Variants in PIR observed in about 807,000 individuals in gnomAD.
PIR encodes the protein pirin (iron-binding nuclear protein).
In PIR, 22 loss-of-function variants were observed where a neutral mutation model predicts 24.2. The ratio of observed to expected loss-of-function variants is 0.91; its 90% CI spans 0.65 to 1.30. The LOEUF (loss-of-function observed/expected upper bound fraction) is 1.30. PIR is among the 50% of genes most tolerant of loss of function. The probability of loss-of-function intolerance (pLI) is 0.00; values close to 1 mark genes in which losing one functional copy is unlikely to be tolerated. For synonymous variants in PIR, 80 were observed against 79.6 expected (o/e 1.00, Z -0.03); for missense variants, 220 against 220.3 (o/e 1.00, Z 0.01).
chrX:15,444,310 T>C (rs1009108312), intron 5 of PIR, among the ~76,000 whole-genome samples: 1 of 112,414 alleles, frequency 8.9e-6, no homozygotes, highest in Non-Finnish European at 1.9e-5. Flanking sequence ...GTTCAGATGA[T>C]CATTAGCATT....
intron 6 of PIR, among the ~76,000 whole-genome samples, chrX:15,417,615 G>T (rs746944561): frequency 9.0e-6 from 1 of 111,501 alleles, no homozygotes; most frequent in South Asian, 3.8e-4. Flanking sequence ...CTTGAGGTCA[G>T]AAGCCCCAAA....
At chrX:15,453,933 A>T (rs188561384) in intron 5 of PIR, among the ~76,000 whole-genome samples, 1 of 112,070 alleles carries the variant, frequency 8.9e-6, no homozygotes, top group Non-Finnish European at 1.9e-5. Context: ...AATCTTATGG[A>T]CAATCACAAT....
intron 8 of PIR, 43 bp from the exon 9 acceptor site, chrX:15,390,294 T>TG: frequency 1.3e-6 from 1 of 774,148 alleles, no homozygotes; most frequent in Non-Finnish European, 1.9e-6. Flanking sequence ...GCAGGCTTAT[T>TG]TTTGAAGATC....
At chrX:15,410,487 C>A (rs975295435) in intron 6 of PIR, among the ~76,000 whole-genome samples, 2 of 111,752 alleles carry the variant, frequency 1.8e-5, no homozygotes, top group Non-Finnish European at 3.8e-5. Flanking sequence ...AATAGTTCAA[C>A]CAGGCTTTTA....
intron 8 of PIR, among the ~76,000 whole-genome samples, chrX:15,395,220 T>C (rs911714386): frequency 8.9e-6 from 1 of 111,874 alleles, no homozygotes; most frequent in Non-Finnish European, 1.9e-5. Context: ...TTATGTGCCC[T>C]AAGCCTTCAG....
At chrX:15,424,641 C>T (rs146817786) in intron 6 of PIR, among the ~76,000 whole-genome samples, 2,285 of 111,635 alleles carry the variant, frequency 0.02, 63 homozygotes, top group African/African-American at 0.07. Flanking sequence ...ATTATATGAA[C>T]GTATTAAATT....
At position 15,455,780 on chromosome X, in the gene PIR, A is replaced by T. The variant is rs773447773; in HGVS notation, c.480+68T>A. 4 of 888,543 alleles carry T rather than the reference A, an allele frequency of 4.5e-6. No homozygotes were observed. In the Admixed American group the frequency reaches 6.8e-5, roughly 15 times the overall value. The allele number at this position is 888,543 out of a possible 1,213,427, so 73.2% of individuals were successfully genotyped here. On this transcript the variant is annotated intron_variant, in intron 5 of 9. Coordinates refer to ENST00000380420, the MANE Select transcript of PIR (RefSeq NM_001018109.3). Reference sequence around the variant, plus strand: ...TTTGGTAAACCTAGTGAGAGCTAACAATCCAGAAGGGGCCAGCCTTATGTC... The same window carrying T: ...TTTGGTAAACCTAGTGAGAGCTAACTATCCAGAAGGGGCCAGCCTTATGTC...
chrX:15,406,487 T>C (rs1924553557), intron 7 of PIR, among the ~76,000 whole-genome samples: 1 of 111,645 alleles, frequency 9.0e-6, no homozygotes, highest in Non-Finnish European at 1.9e-5. Flanking sequence ...GTCTGATGGG[T>C]GAGGTAGCTT....
chrX:15,443,534 C>A (rs1925990273), intron 5 of PIR, among the ~76,000 whole-genome samples: 2 of 111,171 alleles, frequency 1.8e-5, no homozygotes, highest in East Asian at 2.8e-4. Flanking sequence ...TGATATTAAT[C>A]ATCATCAATT....
chrX:15,480,387 A>T (rs941390465), intron 2 of PIR, among the ~76,000 whole-genome samples: 1 of 112,003 alleles, frequency 8.9e-6, no homozygotes, highest in Non-Finnish European at 1.9e-5. Flanking sequence ...ATTGTGTTAG[A>T]GAGTTGTCAT....
intron 6 of PIR, among the ~76,000 whole-genome samples, chrX:15,418,030 G>A (rs774449127): frequency 2.7e-5 from 3 of 111,900 alleles, no homozygotes; most frequent in Non-Finnish European, 5.6e-5. Flanking sequence ...CCACAGAGGG[G>A]TAGACTATAT....
At chrX:15,406,773 CCT>C (rs1314178075) in intron 7 of PIR, among the ~76,000 whole-genome samples, 2 of 111,481 alleles carry the variant, frequency 1.8e-5, no homozygotes, top group African/African-American at 6.5e-5. Flanking sequence ...TCTGCAAGCC[CCT>C]CTCTCCCACC....
At chrX:15,441,774 CTCT>C (rs1925922529) in intron 5 of PIR, among the ~76,000 whole-genome samples, 1 of 111,415 alleles carries the variant, frequency 9.0e-6, no homozygotes, top group African/African-American at 3.3e-5. Flanking sequence ...TTCTCTTTCT[CTCT>C]TCTTCTGTCA....
chrX:15,444,504 T>C (rs1320030283), intron 5 of PIR, among the ~76,000 whole-genome samples: 1 of 111,334 alleles, frequency 9.0e-6, no homozygotes, highest in Non-Finnish European at 1.9e-5. Flanking sequence ...ACCCACAATA[T>C]CTCTGGGGTA....
intron 2 of PIR, among the ~76,000 whole-genome samples, chrX:15,490,250 T>C (rs756378247): frequency 1.8e-5 from 2 of 111,434 alleles, no homozygotes; most frequent in Admixed American, 2.0e-4. Flanking sequence ...TCAGCACTCA[T>C]TGAGGAAGGC....
intron 5 of PIR, among the ~76,000 whole-genome samples, chrX:15,439,112 C>T (rs1268497659): frequency 8.9e-6 from 1 of 112,155 alleles, no homozygotes; most frequent in Non-Finnish European, 1.9e-5. Flanking sequence ...GCAAATAATA[C>T]TTGCCTTGGG....
At chrX:15,399,442 T>C (rs187242552) in intron 7 of PIR, among the ~76,000 whole-genome samples, 1 of 112,124 alleles carries the variant, frequency 8.9e-6, no homozygotes, top group East Asian at 2.8e-4. Context: ...AATAGGATTC[T>C]AACAGAGCAG....
At chrX:15,418,703 T>C (rs1234355214) in intron 6 of PIR, among the ~76,000 whole-genome samples, 3 of 111,827 alleles carry the variant, frequency 2.7e-5, no homozygotes, top group Non-Finnish European at 5.6e-5. Context: ...TAAAAATCGA[T>C]TCAAATAGTA....
intron 6 of PIR, among the ~76,000 whole-genome samples, chrX:15,408,625 C>A (rs918738667): frequency 4.5e-5 from 5 of 111,696 alleles, no homozygotes; most frequent in Non-Finnish European, 9.4e-5. Context: ...TGCTGTGTTT[C>A]CACTGAGAGA....
Sources: gnomAD v4.1 joint callset for allele counts (sites outside exome capture counted in the v4.1 genomes callset) on GRCh38, gnomAD v4.1.1 for gene constraint, MANE v1.5 for transcripts, NCBI Gene and HGNC (gene_info 2026-07-23, HGNC 2026-07-21) for gene names.